The following PLEKHA2 variants were observed in gnomAD, a reference collection of about 807,000 sequenced individuals.
PLEKHA2 encodes pleckstrin homology domain-containing family A member 2.
In PLEKHA2, 28 loss-of-function variants were observed where a neutral mutation model predicts 53.2. The ratio of observed to expected loss-of-function variants is 0.53; its 90% CI spans 0.39 to 0.72. The LOEUF is 0.72. PLEKHA2 is among the 30% of genes least tolerant of loss of function. PLEKHA2 has a pLI of 0.00. For missense variants in PLEKHA2, 426 were observed against 537.9 expected (o/e 0.79, Z 2.06); for synonymous variants, 193 against 196.4 (o/e 0.98, Z 0.14).
intron 1 of PLEKHA2, among the ~76,000 whole-genome samples, chr8:38,915,900 G>A (rs1458118080): frequency 3.9e-5 from 6 of 152,182 alleles, no homozygotes; most frequent in Non-Finnish European, 8.8e-5. Context: ...CTTGCAGCAC[G>A]TAACAGTCAC....
chr8:38,905,351 G>A (rs762854767), intron 1 of PLEKHA2, among the ~76,000 whole-genome samples: 2 of 151,896 alleles, frequency 1.3e-5, no homozygotes, highest in Non-Finnish European at 2.9e-5. Context: ...CCAGCTACTC[G>A]GGAGGCTATA....
In PLEKHA2 at chr8:38,951,006, G is replaced by A. The variant is rs752770742; in HGVS notation, c.486+16G>A. 6.2e-7 allele frequency: 1 copy of A among 1,610,818 alleles called. No individual in the cohort carries two copies. Among genetic ancestry groups the A allele is most frequent in the Non-Finnish European group, 8.5e-7 (1 of 1,178,238 alleles). On this transcript the variant is annotated intron_variant, in intron 6 of 11. Coordinates refer to ENST00000617275, the MANE Select transcript of PLEKHA2 (RefSeq NM_021623.2). Reference sequence around the variant, plus strand: ...CATCAGCCAGGTGAGGGGCCTGACTGGGGCTGCGGGGGGAGTGGGGGTGTG... The same window carrying A: ...CATCAGCCAGGTGAGGGGCCTGACTAGGGCTGCGGGGGGAGTGGGGGTGTG...
chr8:38,955,481 T>C (rs992342237), intron 9 of PLEKHA2, among the ~76,000 whole-genome samples: 1 of 152,222 alleles, frequency 6.6e-6, no homozygotes, highest in Admixed American at 6.5e-5. Flanking sequence ...GTCTTTGTAG[T>C]GACCAGCCTG....
rs564113659 is a variant in PLEKHA2 at position 38,963,537 on chromosome 8, T to C, written c.838-5055T>C. Among the ~76,000 whole-genome samples, 13 of 152,316 alleles carry C rather than the reference T, an allele frequency of 8.5e-5. No homozygotes were observed. The South Asian group carries it at 1.2e-3, about 15-fold the overall frequency. ...TTTTGCATACAATTTTGGAGTTTCA[T>C]TGAGTTTTTGTTTCTCATGAATCCC... On this transcript the variant is annotated intron_variant, in intron 10 of 11. Coordinates refer to ENST00000617275, the MANE Select transcript of PLEKHA2 (RefSeq NM_021623.2).
chr8:38,952,812 C>T (rs2129422606), intron 8 of PLEKHA2, 108 bp downstream of exon 8: 5 of 1,142,712 alleles, frequency 4.4e-6, no homozygotes. Flanking sequence ...CACACAAAGA[C>T]TTCAAAGGCG....
intron 2 of PLEKHA2, among the ~76,000 whole-genome samples, chr8:38,921,838 A>G (rs373123554): frequency 1.1e-3 from 163 of 152,374 alleles, no homozygotes; most frequent in African/African-American, 3.7e-3. Context: ...GAAATAATTC[A>G]GGACATTTTA....
chr8:38,944,995 A>G (rs1410449147), intron 4 of PLEKHA2, among the ~76,000 whole-genome samples: 6 of 152,306 alleles, frequency 3.9e-5, no homozygotes, highest in Non-Finnish European at 8.8e-5. Flanking sequence ...GGAAGGGGAT[A>G]AGACAAAGGA....
intron 10 of PLEKHA2, among the ~76,000 whole-genome samples, chr8:38,963,148 G>A (rs1195179806): frequency 6.6e-6 from 1 of 152,164 alleles, no homozygotes; most frequent in Non-Finnish European, 1.5e-5. Flanking sequence ...GAAGCTCACT[G>A]GACTACAATA....
chr8:38,953,449 T>C, intron 9 of PLEKHA2, 82 bp downstream of exon 9: 1 of 1,294,092 alleles, frequency 7.7e-7, no homozygotes. Flanking sequence ...TCAGAGACTC[T>C]ATGCAAGAGT....
Position 38,918,029 on chromosome 8 carries a change from A to G in PLEKHA2, c.100A>G (p.Thr34Ala). 4.3e-6 allele frequency: 7 copies of G among 1,613,406 alleles called. No homozygotes were observed. Among genetic ancestry groups the G allele is most frequent in the Non-Finnish European group, 5.1e-6 (6 of 1,179,616 alleles). The change falls in exon 2 of 12, where the codon ACC (threonine) becomes GCC (alanine). Residue 34 changes from threonine to alanine, a missense_variant. Physicochemically the swap from Thr to Ala is moderately conservative, Grantham distance 58 (BLOSUM62 0). Transcript: ENST00000617275. ...TCTGCGGAGGTACTTCATTCTGGAC[A>G]CCCAGGCTAACTGCCTCCTCTGGTA... ...KFLRRYFILD[T>A]QANCLLWYMD...
At chr8:38,907,089 C>T (rs987735190) in intron 1 of PLEKHA2, among the ~76,000 whole-genome samples, 48 of 152,160 alleles carry the variant, frequency 3.2e-4, no homozygotes, top group Non-Finnish European at 8.8e-5. Context: ...GTAGGGGTAA[C>T]AGGACAGAAG....
chr8:38,924,067 G>C (rs915448176), intron 2 of PLEKHA2, among the ~76,000 whole-genome samples: 1 of 152,086 alleles, frequency 6.6e-6, no homozygotes, highest in African/African-American at 2.4e-5. Flanking sequence ...GGCTAGGCTG[G>C]TCTCGAACTC....
At chr8:38,905,953 G>A (rs944402263) in intron 1 of PLEKHA2, among the ~76,000 whole-genome samples, 14 of 152,282 alleles carry the variant, frequency 9.2e-5, no homozygotes, top group African/African-American at 3.1e-4. Flanking sequence ...CAAAGTGCTG[G>A]GATTTCAGGC....
intron 9 of PLEKHA2, 128 bp downstream of exon 9, chr8:38,953,495 A>C: frequency 1.1e-6 from 1 of 947,232 alleles, no homozygotes; most frequent in Non-Finnish European, 1.7e-6. Flanking sequence ...GGAGCCTAAC[A>C]CCTTGTGGCT....
intron 2 of PLEKHA2, among the ~76,000 whole-genome samples, chr8:38,933,659 G>T (rs1200539836): frequency 6.6e-6 from 1 of 151,590 alleles, no homozygotes; most frequent in Non-Finnish European, 1.5e-5. Flanking sequence ...GCCCAGAGCG[G>T]TTCTCATTCC....
At chr8:38,921,700 C>A (rs578115409) in intron 2 of PLEKHA2, among the ~76,000 whole-genome samples, 60 of 152,362 alleles carry the variant, frequency 3.9e-4, no homozygotes, top group African/African-American at 1.4e-3. Context: ...GAACCTTCTT[C>A]AAGTTTGAAT....
Position 38,969,468 on chromosome 8 carries a change from C to T in PLEKHA2, c.963C>T (p.Ser321=), listed in dbSNP as rs1016303924. ...TTTCTTTGACCCGACCTGGAAGCTC[C>T]AGCCTTTCAAGTGGGCCCAACTCTA... The part of the protein sequence containing the change: ...RSISLTRPGS[S]SLSSGPNSIL... Residue 321 remains serine, a synonymous_variant, in exon 12 of 12, where the codon TCC becomes TCT. Coordinates refer to ENST00000617275, the MANE Select transcript of PLEKHA2 (RefSeq NM_021623.2). 8.1e-6 allele frequency: 13 copies of T among 1,613,884 alleles called. No homozygotes were observed. The highest frequency in any genetic ancestry group is 2.2e-5 in the East Asian group (1 of 44,880).
chr8:38,966,372 A>T (rs1333962790), intron 10 of PLEKHA2, among the ~76,000 whole-genome samples: 1 of 152,090 alleles, frequency 6.6e-6, no homozygotes, highest in Non-Finnish European at 1.5e-5. Flanking sequence ...ATACATCTGC[A>T]TGTGCACACC....
intron 1 of PLEKHA2, among the ~76,000 whole-genome samples, chr8:38,902,689 G>A (rs939710755): frequency 6.6e-6 from 1 of 152,148 alleles, no homozygotes. Context: ...AAACAGCAAA[G>A]CAAAAGATCT....
Sources: gnomAD v4.1 joint callset for allele counts (sites outside exome capture counted in the v4.1 genomes callset) on GRCh38, gnomAD v4.1.1 for gene constraint, MANE v1.5 for transcripts, NCBI Gene and HGNC (gene_info 2026-07-23, HGNC 2026-07-21) for gene names.